CMC1: variants seen among roughly 807,000 people sequenced by gnomAD.
CMC1 encodes the protein C-X9-C motif containing 1, also known as COX assembly mitochondrial protein homolog.
CMC1 carries 14 observed loss-of-function variants against 14.1 expected under a neutral mutation model. The observed-to-expected ratio is 0.99, with a 90% CI of 0.66 to 1.55. CMC1 has a LOEUF of 1.55. CMC1 is among the 40% of genes most tolerant of loss of function. The pLI is 0.00. For synonymous variants in CMC1, 50 were observed against 38.4 expected (o/e 1.30, Z -1.12); for missense variants, 127 against 123.8 (o/e 1.03, Z -0.12).
chr3:28,315,247 A>G (rs1169517500), intron 2 of CMC1: 1 of 152,414 alleles, frequency 6.6e-6, no homozygotes, highest in East Asian at 1.9e-4. Context: ...CAAAGCAAAC[A>G]CAAGACAGAG....
At chr3:28,308,940 G>T (rs112013972) in intron 2 of CMC1, among the ~76,000 whole-genome samples, 2,209 of 151,340 alleles carry the variant, frequency 0.015, 53 homozygotes, top group African/African-American at 0.05. Context: ...CCAAGATCAT[G>T]CCACTGCACT....
intron 2 of CMC1, chr3:28,294,402 T>G (rs945239235): frequency 3.6e-5 from 23 of 635,172 alleles, no homozygotes; most frequent in Admixed American, 6.3e-5. Flanking sequence ...CTTTTTGTCA[T>G]GTGAAATAAA....
At chr3:28,304,396 A>G (rs1479338077) in intron 2 of CMC1, among the ~76,000 whole-genome samples, 1 of 152,072 alleles carries the variant, frequency 6.6e-6, no homozygotes, top group African/African-American at 2.4e-5. Flanking sequence ...TATGGATATA[A>G]GGAACTAACT....
chr3:28,306,564 G>A (rs551566645), intron 2 of CMC1, among the ~76,000 whole-genome samples: 6 of 152,124 alleles, frequency 3.9e-5, no homozygotes, highest in African/African-American at 1.4e-4. Context: ...TATCAATGCA[G>A]TAGTCTTTTA....
At chr3:28,288,355 C>T (rs13069450) in intron 2 of CMC1, among the ~76,000 whole-genome samples, 30,163 of 151,838 alleles carry the variant, frequency 0.2, 3,300 homozygotes, top group Admixed American at 0.27. Context: ...TATATTTTGA[C>T]GTGTGTAAAT....
At chr3:28,272,188 C>G (rs995988832) in intron 2 of CMC1, among the ~76,000 whole-genome samples, 1 of 152,132 alleles carries the variant, frequency 6.6e-6, no homozygotes, top group Non-Finnish European at 1.5e-5. Context: ...GTTTGACTTC[C>G]TGTTTTCCTA....
intron 2 of CMC1, among the ~76,000 whole-genome samples, chr3:28,279,023 T>TC (rs1341076817): frequency 6.6e-6 from 1 of 152,210 alleles, no homozygotes; most frequent in African/African-American, 2.4e-5. Flanking sequence ...TATAAAGAGT[T>TC]CTGTTTTTGG....
intron 2 of CMC1, chr3:28,294,299 A>AT (rs1262819273): frequency 6.4e-6 from 1 of 157,226 alleles, no homozygotes; most frequent in Non-Finnish European, 1.4e-5. Flanking sequence ...ATATGAAAAA[A>AT]TTTTTTATAA....
At chr3:28,267,616 A>G (rs1473175813) in intron 2 of CMC1, among the ~76,000 whole-genome samples, 3 of 152,232 alleles carry the variant, frequency 2.0e-5, no homozygotes, top group Non-Finnish European at 4.4e-5. Context: ...ACAAGGAAGC[A>G]TGGGTTATTT....
chr3:28,262,400 A>T (rs984908523), intron 1 of CMC1, among the ~76,000 whole-genome samples: 5 of 152,098 alleles, frequency 3.3e-5, no homozygotes, highest in Admixed American at 2.0e-4. Context: ...TTTTGGGGAT[A>T]AATACCTATA....
chr3:28,319,563 G>T lies in CMC1; in HGVS notation c.255G>T (p.Arg85Ser). The T allele has an allele frequency of 6.2e-7, 1 of 1,608,538 alleles. No homozygotes were observed. Among genetic ancestry groups the T allele is most frequent in the South Asian group, 1.1e-5 (1 of 90,738 alleles). The change falls in exon 4 of 4, where the codon AGG (arginine) becomes AGT (serine). Residue 85 changes from arginine (R) to serine (S), a missense_variant. Arg to Ser is a moderately radical substitution (Grantham distance 110, BLOSUM62 -1). Coordinates refer to ENST00000466830, the MANE Select transcript of CMC1 (RefSeq NM_182523.2). ...EECKMEYLKE[R>S]EEFRKTGIPT... ...GCAAAATGGAATACCTGAAGGAAAG[G>T]GAAGAATTCAGAAAAACTGGAATTC...
chr3:28,289,859 A>G (rs1004855526), intron 2 of CMC1, among the ~76,000 whole-genome samples: 3 of 152,164 alleles, frequency 2.0e-5, no homozygotes, highest in Admixed American at 1.3e-4. Flanking sequence ...TCTACCATTC[A>G]CAAAGACAGA....
chr3:28,256,665 T>C (rs903830678), intron 1 of CMC1, among the ~76,000 whole-genome samples: 2 of 152,144 alleles, frequency 1.3e-5, no homozygotes, highest in African/African-American at 4.8e-5. Flanking sequence ...GTTTAAATAA[T>C]GCAACTTTAA....
In CMC1 at chr3:28,241,627, A is replaced by G; in HGVS notation, c.-167A>G. ...CGGGCGGCGGAAGTAGGAGCCTGGG[A>G]AGGAAGAGGGAACGGGTCCTGGCGG... On this transcript the variant is annotated 5_prime_UTR_variant, in exon 1 of 4. Coordinates refer to ENST00000466830, the MANE Select transcript of CMC1 (RefSeq NM_182523.2). 8.1e-7 allele frequency: 1 copy of G among 1,231,842 alleles called. No individual in the cohort carries two copies. Among genetic ancestry groups the G allele is most frequent in the Non-Finnish European group, 1.0e-6 (1 of 987,692 alleles). The allele number at this position is 1,231,842 out of a possible 1,614,324, so 76.3% of individuals were successfully genotyped here.
chr3:28,323,747 C>A lies in CMC1; in HGVS notation c.*4118C>A, dbSNP rs1703267996. 1 of 218,230 alleles carries A rather than the reference C, an allele frequency of 4.6e-6. No homozygotes were observed. Among genetic ancestry groups the A allele is most frequent in the East Asian group, 9.5e-5 (1 of 10,486 alleles). 13.5% of individuals were successfully genotyped at this position (218,230 alleles called of 1,614,324 possible). Reference sequence around the variant, plus strand: ...TCTCCAATTCCATTCTTCTGAGAGGCAAAATTTTACAATTAATATAGAAGG... The same window carrying A: ...TCTCCAATTCCATTCTTCTGAGAGGAAAAATTTTACAATTAATATAGAAGG... On this transcript the variant is annotated 3_prime_UTR_variant, in exon 4 of 4. Coordinates refer to ENST00000466830, the MANE Select transcript of CMC1 (RefSeq NM_182523.2).
chr3:28,312,322 G>A (rs976039763), intron 2 of CMC1, among the ~76,000 whole-genome samples: 2 of 152,176 alleles, frequency 1.3e-5, no homozygotes, highest in African/African-American at 4.8e-5. Context: ...AATTAATGGA[G>A]ATATGAACAG....
At chr3:28,279,837 T>C (rs969112304) in intron 2 of CMC1, among the ~76,000 whole-genome samples, 2 of 152,216 alleles carry the variant, frequency 1.3e-5, no homozygotes, top group African/African-American at 4.8e-5. Context: ...TGGAATGGCA[T>C]ACTTGCCAGA....
At chr3:28,296,688 T>C (rs544061315) in intron 2 of CMC1, among the ~76,000 whole-genome samples, 2 of 152,210 alleles carry the variant, frequency 1.3e-5, no homozygotes, top group African/African-American at 4.8e-5. Context: ...TAAATTCTTA[T>C]TTAAAAATGT....
chr3:28,246,451 T>C (rs1010007786), intron 1 of CMC1, among the ~76,000 whole-genome samples: 1 of 152,168 alleles, frequency 6.6e-6, no homozygotes, highest in Non-Finnish European at 1.5e-5. Context: ...GGATTTTGAA[T>C]TTTATACTAA....
Sources: allele counts gnomAD v4.1 joint callset (sites outside exome capture counted in the v4.1 genomes callset), GRCh38; gene constraint gnomAD v4.1.1; transcripts MANE v1.5; gene names NCBI Gene and HGNC (gene_info 2026-07-23, HGNC 2026-07-21).